Variants in MITF observed in about 807,000 individuals in gnomAD.
The protein encoded by MITF is microphthalmia-associated transcription factor.
In MITF, 17 loss-of-function variants were observed where a neutral mutation model predicts 60.5. The observed-to-expected ratio is 0.28, with a 90% CI of 0.19 to 0.42. The LOEUF (loss-of-function observed/expected upper bound fraction) is 0.42, where lower values mean the gene tolerates loss of function less well. MITF is among the 10% of genes least tolerant of loss of function. The pLI, the probability that MITF is intolerant of heterozygous loss-of-function variation, is 1.00. For missense variants in MITF, 622 were observed against 683.5 expected, an observed-to-expected ratio of 0.91 and a Z score of 1.00; for synonymous variants, 260 against 248.5, an observed-to-expected ratio of 1.05 and a Z score of -0.43.
chr3:69,842,121 T>C (rs2063648599), intron 1 of MITF, among the ~76,000 whole-genome samples: 1 of 152,214 alleles, frequency 6.6e-6, no homozygotes, highest in African/African-American at 2.4e-5. Flanking sequence ...GGAACTTACA[T>C]TCTAGCAAAA....
intron 1 of MITF, among the ~76,000 whole-genome samples, chr3:69,858,280 T>C (rs1177745875): frequency 2.0e-5 from 3 of 152,160 alleles, no homozygotes; most frequent in Admixed American, 2.0e-4. Context: ...GATTAGAGTT[T>C]ATTATGATTA....
chr3:69,921,912 C>A (rs550582371), intron 2 of MITF, among the ~76,000 whole-genome samples: 1 of 152,142 alleles, frequency 6.6e-6, no homozygotes, highest in African/African-American at 2.4e-5. Flanking sequence ...TTAGCATCAC[C>A]GCTGGACTCT....
At chr3:69,866,342 T>C in intron 1 of MITF, 1 of 1,613,822 alleles carries the variant, frequency 6.2e-7, no homozygotes, top group Non-Finnish European at 8.5e-7. Context: ...TGAAAGCTTG[T>C]ATCTGTAAGT....
intron 1 of MITF, among the ~76,000 whole-genome samples, chr3:69,828,966 G>A (rs1223131832): frequency 6.9e-6 from 1 of 145,888 alleles, no homozygotes; most frequent in African/African-American, 2.5e-5. Context: ...GTGTGTGTGT[G>A]TGTTTTACTA....
chr3:69,835,435 C>T (rs1236258497), intron 1 of MITF, among the ~76,000 whole-genome samples: 1 of 152,152 alleles, frequency 6.6e-6, no homozygotes, highest in East Asian at 1.9e-4. Context: ...GTTGTCTCTT[C>T]ACTCTGTTAA....
intron 2 of MITF, among the ~76,000 whole-genome samples, chr3:69,886,973 T>A (rs1268643957): frequency 2.6e-5 from 4 of 152,114 alleles, no homozygotes; most frequent in African/African-American, 9.7e-5. Context: ...ATTTTTGAAA[T>A]AATTCAGTAG....
intron 2 of MITF, among the ~76,000 whole-genome samples, chr3:69,895,131 T>G (rs2064847032): frequency 6.6e-6 from 1 of 152,158 alleles, no homozygotes. Flanking sequence ...GAAGTTTCAT[T>G]TGTGATAAGA....
rs1052353322 is a variant in MITF, at chr3:69,965,553, AT to A, written c.*310del. On this transcript the variant is annotated 3_prime_UTR_variant, in exon 10 of 10. Transcript: ENST00000352241. Reference sequence around the variant, plus strand: ...TTTTGCGTCAGAGAAATGTCTGTCCATTTTTATTCAGGGGAAACTTGATTTG... The same window carrying A: ...TTTTGCGTCAGAGAAATGTCTGTCCATTTTATTCAGGGGAAACTTGATTTG... 8 of 276,200 alleles carry A rather than the reference AT, an allele frequency of 2.9e-5. No homozygotes were observed. Among genetic ancestry groups the A allele is most frequent in the Non-Finnish European group, 4.8e-5 (7 of 145,092 alleles). 17.1% of individuals were successfully genotyped at this position (276,200 alleles called of 1,614,324 possible). A position where few individuals can be genotyped will look rare whatever the true frequency, so the allele number is the denominator to read the frequency against.
At position 69,923,420 on chromosome 3, in the gene MITF, T is replaced by C. The variant is rs567648638; in HGVS notation, c.355-14402T>C. Among the ~76,000 whole-genome samples the C allele has an allele frequency of 2.7e-3, 406 of 152,254 alleles. 1 individual carries two copies. The highest frequency in any genetic ancestry group is 9.5e-3 in the African/African-American group (395 of 41,550). ...AATGCATTGATGCGATCTTGGCTCATTGCAACCTCTGCCTCCCGGGTTCAA... is the reference window on the plus strand; with the variant it reads ...AATGCATTGATGCGATCTTGGCTCACTGCAACCTCTGCCTCCCGGGTTCAA... On this transcript the variant is annotated intron_variant, in intron 2 of 9. Coordinates refer to ENST00000352241, the MANE Select transcript of MITF (RefSeq NM_001354604.2).
chr3:69,794,843 G>A (rs963660985), intron 1 of MITF, among the ~76,000 whole-genome samples: 3 of 152,144 alleles, frequency 2.0e-5, no homozygotes, highest in Admixed American at 6.5e-5. Context: ...GAACTCCACG[G>A]AAATGGAATC....
chr3:69,959,174 A>T (rs899099356), intron 8 of MITF, 99 bp from the exon 9 acceptor site: 113 of 1,426,352 alleles, frequency 7.9e-5, no homozygotes, highest in Non-Finnish European at 9.3e-5. Context: ...ATAAAAAAAA[A>T]TTTTAAAAAG....
intron 1 of MITF, among the ~76,000 whole-genome samples, chr3:69,842,196 T>C (rs907977012): frequency 1.3e-5 from 2 of 152,112 alleles, no homozygotes; most frequent in African/African-American, 4.8e-5. Context: ...TAACACAACA[T>C]ATGTGTTTCT....
intron 3 of MITF, 64 bp from the exon 4 acceptor site, chr3:69,939,034 A>G: frequency 6.3e-7 from 1 of 1,585,886 alleles, no homozygotes; most frequent in Non-Finnish European, 8.6e-7. Context: ...CTTTGTGTGA[A>G]CAGGTCATTA....
At chr3:69,741,481 C>T (rs1404147961) in intron 1 of MITF, among the ~76,000 whole-genome samples, 1 of 152,160 alleles carries the variant, frequency 6.6e-6, no homozygotes, top group African/African-American at 2.4e-5. Context: ...AAATGAGTGC[C>T]GTGAAACTCA....
chr3:69,928,275 A>G (rs1024683981), intron 2 of MITF, among the ~76,000 whole-genome samples: 6 of 152,192 alleles, frequency 3.9e-5, no homozygotes, highest in African/African-American at 1.4e-4. Context: ...TAAAGTTTAT[A>G]TCCGTTTATT....
intron 1 of MITF, among the ~76,000 whole-genome samples, chr3:69,843,955 C>G (rs1343963784): frequency 1.3e-5 from 2 of 152,154 alleles, no homozygotes; most frequent in Non-Finnish European, 2.9e-5. Context: ...CATGTGTTCT[C>G]ATTGTTCAAC....
At chr3:69,835,675 G>A (rs1304652610) in intron 1 of MITF, among the ~76,000 whole-genome samples, 1 of 152,084 alleles carries the variant, frequency 6.6e-6, no homozygotes, top group Admixed American at 6.5e-5. Context: ...TAGGGGCCTA[G>A]TCTCATTCTT....
At chr3:69,773,130 T>G (rs1202692962) in intron 1 of MITF, among the ~76,000 whole-genome samples, 1 of 152,028 alleles carries the variant, frequency 6.6e-6, no homozygotes, top group Non-Finnish European at 1.5e-5. Flanking sequence ...ATGCCAGTAT[T>G]TGGGGGCAAA....
chr3:69,854,102 C>T (rs148760234), intron 1 of MITF, among the ~76,000 whole-genome samples: 2 of 152,260 alleles, frequency 1.3e-5, no homozygotes, highest in East Asian at 3.9e-4. Context: ...CCCGCCTCAG[C>T]CTCCCAAAGT....
Sources: allele counts gnomAD v4.1 joint callset (sites outside exome capture counted in the v4.1 genomes callset), GRCh38; gene constraint gnomAD v4.1.1; transcripts MANE v1.5; gene names NCBI Gene and HGNC (gene_info 2026-07-23, HGNC 2026-07-21).